LRRC9: variants seen among roughly 807,000 people sequenced by gnomAD.
LRRC9 encodes the protein leucine rich repeat containing 9.
LRRC9 carries 122 observed loss-of-function variants against 63.2 expected under a neutral mutation model. The observed-to-expected ratio is 1.93, with a 90% confidence interval of 1.67 to 2.24. The LOEUF is 2.24. Among genes scored for constraint, LRRC9 ranks in the 30% most tolerant of loss-of-function variants. LRRC9 has a pLI of 0.00. For synonymous variants in LRRC9, 366 were observed against 213.1 expected (o/e 1.72, Z -6.25); for missense variants, 1,071 against 627.7 (o/e 1.71, Z -7.55).
intron 8 of LRRC9, among the ~76,000 whole-genome samples, chr14:59,959,352 C>T (rs1283623344): frequency 2.0e-5 from 3 of 151,972 alleles, no homozygotes; most frequent in South Asian, 2.1e-4. Flanking sequence ...TATATGCTTT[C>T]GTGTAATTTT....
rs762234248 is a variant in LRRC9, at chr14:59,932,752, TG to T, written c.543+714del. On this transcript the variant is annotated intron_variant, in intron 6 of 31. Coordinates refer to ENST00000445360, the Ensembl canonical transcript of LRRC9. The surrounding 1 kb of genome is among the most constrained non-coding windows in gnomAD (Gnocchi z 4.7). ...ATTCAAGACACTATCATCTCTAACCTGCATTAATGAAAAATATCTTCCTAAC... is the reference window on the plus strand; with the variant it reads ...ATTCAAGACACTATCATCTCTAACCTCATTAATGAAAAATATCTTCCTAAC... 4.6e-5 allele frequency among the ~76,000 whole-genome samples: 7 copies of T among 152,248 alleles called. No individual in the cohort carries two copies. Among genetic ancestry groups the T allele is most frequent in the Middle Eastern group, 3.4e-3 (1 of 294 alleles).
intron 17 of LRRC9, among the ~76,000 whole-genome samples, chr14:59,995,008 T>TTA (rs1555379310): frequency 1.1e-4 from 17 of 149,546 alleles, no homozygotes; most frequent in Admixed American, 4.0e-4. Flanking sequence ...GAAAGTATAA[T>TTA]AAAAAAAAAA....
At position 59,992,314 on chromosome 14, in the gene LRRC9, G is replaced by A. The variant is rs542384747; in HGVS notation, c.2212-5342G>A. On this transcript the variant is annotated intron_variant, in intron 17 of 31. Transcript: ENST00000445360. Reference sequence around the variant, plus strand: ...ATCCACACCAAAACCCCATCTGTACGTCACCATCATCAAAGACCAAAGGTA... The same window carrying A: ...ATCCACACCAAAACCCCATCTGTACATCACCATCATCAAAGACCAAAGGTA... Among the ~76,000 whole-genome samples, 394 of 152,200 alleles carry A rather than the reference G, an allele frequency of 2.6e-3. 1 individual carries two copies. The highest frequency in any genetic ancestry group is 9.1e-3 in the African/African-American group (376 of 41,536).
At chr14:60,023,088 C>T (rs961941203) in intron 27 of LRRC9, among the ~76,000 whole-genome samples, 6 of 151,518 alleles carry the variant, frequency 4.0e-5, no homozygotes, top group East Asian at 1.9e-4. Context: ...TATAGTATTA[C>T]ATCATAATTT....
intron 23 of LRRC9, among the ~76,000 whole-genome samples, chr14:60,013,420 A>C (rs956255519): frequency 1.3e-5 from 2 of 152,128 alleles, no homozygotes; most frequent in Admixed American, 1.3e-4. Flanking sequence ...CTCTGCTTTT[A>C]AAGCCTTGCA....
chr14:60,009,274 A>G (rs1006309043), intron 23 of LRRC9, among the ~76,000 whole-genome samples: 4 of 152,236 alleles, frequency 2.6e-5, no homozygotes, highest in African/African-American at 4.8e-5. Context: ...GGCAATTTAT[A>G]AAGGAAAGAG....
chr14:60,065,059 C>T (rs1390573994), downstream of LRRC9, among the ~76,000 whole-genome samples: 4 of 152,088 alleles, frequency 2.6e-5, no homozygotes. Flanking sequence ...AAATTTTGAG[C>T]TATTTATAAT....
chr14:60,040,076 G>C (rs1892812569), intron 29 of LRRC9, among the ~76,000 whole-genome samples: 1 of 152,000 alleles, frequency 6.6e-6, no homozygotes, highest in Admixed American at 6.5e-5. Context: ...GAGCGGTTTT[G>C]AGTGAGTTTC....
chr14:60,053,408 CACACACACACACAT>C lies in LRRC9; in HGVS notation c.4131+205_4131+218del, dbSNP rs879390462. 2.1e-4 allele frequency among the ~76,000 whole-genome samples: 19 copies of C among 89,594 alleles called. No individual in the cohort carries two copies. The highest frequency in any genetic ancestry group is 1.1e-3 in the East Asian group (4 of 3,600). The allele number at this position is 89,594 out of a possible 152,430, so 58.8% of individuals were successfully genotyped here. On this transcript the variant is annotated intron_variant, in intron 30 of 31. Coordinates refer to ENST00000445360, the Ensembl canonical transcript of LRRC9. The surrounding 1 kb of genome is among the most constrained non-coding windows in gnomAD (Gnocchi z 4.8). ...TCACACACACACACACACACACACA[CACACACACACACAT>C]ATATATGTAAGTCAGGGAACATCCT...
Position 59,927,889 on chromosome 14 carries a change from A to AT in LRRC9, c.-33-16dup, listed in dbSNP as rs1190995556. On this transcript the variant is annotated intron_variant, in intron 1 of 31. Coordinates refer to ENST00000445360, the Ensembl canonical transcript of LRRC9. This position sits in a 1 kb window ranked among gnomAD's most constrained non-coding sequence, Gnocchi z 4.4. ...TGACAATGACTTTAATATTTATTTC[A>AT]TTTTTTCATTTTCCTTAAAAGTTAT... 1.4e-5 allele frequency: 9 copies of AT among 636,944 alleles called. No homozygotes were observed. Among genetic ancestry groups the AT allele is most frequent in the Non-Finnish European group, 2.5e-5 (9 of 359,436 alleles). 39.5% of individuals were successfully genotyped at this position (636,944 alleles called of 1,614,324 possible). A position where few individuals can be genotyped will look rare whatever the true frequency, so the allele number is the denominator to read the frequency against.
intron 29 of LRRC9, among the ~76,000 whole-genome samples, chr14:60,039,922 C>T (rs902531024): frequency 2.7e-5 from 4 of 150,138 alleles, no homozygotes; most frequent in African/African-American, 1.0e-4. Context: ...TTTCCTTCTA[C>T]ACACTGCTTT....
In LRRC9 at chr14:60,042,340, C is replaced by T. The variant is rs111465612; in HGVS notation, c.3990+10277C>T. ...TGCCTGTTGTTCAGCTATGCCCTGC[C>T]CCCAGAGGTGGAGTCTACAGAGGCA... On this transcript the variant is annotated intron_variant, in intron 29 of 31. Coordinates refer to ENST00000445360, the Ensembl canonical transcript of LRRC9. This position sits in a 1 kb window ranked among gnomAD's most constrained non-coding sequence, Gnocchi z 4.2. Among the ~76,000 whole-genome samples, 12 of 152,330 alleles carry T rather than the reference C, an allele frequency of 7.9e-5. 1 individual carries two copies. The highest frequency in any genetic ancestry group is 2.6e-4 in the African/African-American group (11 of 41,578).
chr14:59,993,366 T>C (rs1300069527), intron 17 of LRRC9, among the ~76,000 whole-genome samples: 1 of 151,968 alleles, frequency 6.6e-6, no homozygotes, highest in East Asian at 1.9e-4. Context: ...CATAACAAAA[T>C]TGTAAAGACC....
At chr14:60,006,404 C>T in exon 22 of LRRC9, 3 of 684,192 alleles carry the variant, frequency 4.4e-6, no homozygotes, top group Non-Finnish European at 5.3e-6. Flanking sequence ...TAGGTATTTC[C>T]AAGATGACTA....
At chr14:60,008,315 C>A in intron 23 of LRRC9, 101 bp downstream of exon 23, 1 of 531,696 alleles carries the variant, frequency 1.9e-6, no homozygotes, top group Non-Finnish European at 3.3e-6. Flanking sequence ...AGCATTATAG[C>A]CAAATTTACT....
chr14:60,046,485 C>G (rs1469868171), intron 29 of LRRC9, among the ~76,000 whole-genome samples: 1 of 152,144 alleles, frequency 6.6e-6, no homozygotes, highest in Non-Finnish European at 1.5e-5. Flanking sequence ...CCATTTTCTG[C>G]ATATGAGATA....
rs1884487998 is a variant in LRRC9 at position 59,962,930 on chromosome 14, GAATATATCA to G, written c.1211+1893_1211+1901del. Reference sequence around the variant, plus strand: ...AAGAGTAACTTTGATTTGTTTTAAGGAATATATCAAATATATGTTAGCAGAATTTAAAGT... The same window carrying G: ...AAGAGTAACTTTGATTTGTTTTAAGGAATATATGTTAGCAGAATTTAAAGT... On this transcript the variant is annotated intron_variant, in intron 10 of 31. Coordinates refer to ENST00000445360, the Ensembl canonical transcript of LRRC9. This position sits in a 1 kb window ranked among gnomAD's most constrained non-coding sequence, Gnocchi z 5.1. 6.6e-6 allele frequency among the ~76,000 whole-genome samples: 1 copy of G among 152,070 alleles called. No homozygotes were observed. Among genetic ancestry groups the G allele is most frequent in the African/African-American group, 2.4e-5 (1 of 41,414 alleles).
intron 29 of LRRC9, among the ~76,000 whole-genome samples, chr14:60,044,663 ATT>A (rs1320848430): frequency 6.6e-6 from 1 of 152,148 alleles, no homozygotes; most frequent in Non-Finnish European, 1.5e-5. Flanking sequence ...ACTTGATATT[ATT>A]TGTTTTTCAG....
intron 29 of LRRC9, among the ~76,000 whole-genome samples, chr14:60,033,649 T>A (rs1892174737): frequency 6.6e-6 from 1 of 152,160 alleles, no homozygotes; most frequent in Non-Finnish European, 1.5e-5. Context: ...TTTATTGGAT[T>A]CAATTTGCTA....
Sources: allele counts gnomAD v4.1 joint callset (sites outside exome capture counted in the v4.1 genomes callset), GRCh38; gene constraint gnomAD v4.1.1; non-coding constraint Gnocchi (gnomAD v3.1); transcripts MANE v1.5; gene names NCBI Gene and HGNC (gene_info 2026-07-23, HGNC 2026-07-21).